The following ZNF468 variants were observed in gnomAD, a reference collection of about 807,000 sequenced individuals.
ZNF468 encodes zinc finger protein 468, also known as zinc finger protein ZNF468.
ZNF468 carries 8 observed loss-of-function variants against 7.2 expected under a neutral mutation model. That is an observed-to-expected ratio of 1.11 (90% confidence interval 0.65 to 2.01). ZNF468 has a LOEUF of 2.01. Ranked by LOEUF, ZNF468 falls within the 30% of genes most tolerant of loss-of-function variation. The pLI is 0.00. For synonymous variants in ZNF468, 218 were observed against 214.4 expected (o/e 1.02, Z -0.15); for missense variants, 608 against 626.5 (o/e 0.97, Z 0.31).
intron 1 of ZNF468, 75 bp from the exon 2 acceptor site, chr19:52,854,420 G>T (rs2147746205): frequency 4.2e-6 from 6 of 1,419,458 alleles, no homozygotes; most frequent in Non-Finnish European, 5.8e-6. Context: ...CACAAACATA[G>T]GAGACCTCAC....
chr19:52,846,779 A>G (rs1168835287), intron 3 of ZNF468, among the ~76,000 whole-genome samples: 1 of 152,120 alleles, frequency 6.6e-6, no homozygotes, highest in Non-Finnish European at 1.5e-5. Context: ...AGGCAGGTGG[A>G]TCACTTGAGA....
At chr19:52,850,465 C>T (rs536042691) in intron 2 of ZNF468, among the ~76,000 whole-genome samples, 49 of 152,132 alleles carry the variant, frequency 3.2e-4, no homozygotes, top group East Asian at 3.9e-4. Context: ...TAGCCATGTT[C>T]ACTAACATGA....
In ZNF468 at chr19:52,838,540, AAAG is replaced by A. The variant is rs1421016763; in HGVS notation, c.*2182_*2184del. The A allele has an allele frequency of 1.5e-4, 23 of 152,186 alleles. No individual in the cohort carries two copies. The allele number at this position is 152,186 out of a possible 1,614,324, so 9.4% of individuals were successfully genotyped here. On this transcript the variant is annotated 3_prime_UTR_variant, in exon 4 of 4. Transcript: ENST00000595646. ...AATCAAACTCATCCAAATCAGAAAG[AAAG>A]AAGTCAAATTTTATTTGTTTGTAGA... is the stretch of plus-strand genomic sequence containing the variant.
chr19:52,853,917 T>C (rs1270703057), intron 2 of ZNF468: 9 of 1,358,632 alleles, frequency 6.6e-6, no homozygotes, highest in Middle Eastern at 2.8e-4. Context: ...TGGCAGCTGC[T>C]CCAATCCTGG....
At chr19:52,850,976 A>C (rs1600529414) in intron 2 of ZNF468, among the ~76,000 whole-genome samples, 1 of 151,974 alleles carries the variant, frequency 6.6e-6, no homozygotes, top group East Asian at 1.9e-4. Context: ...ATATATATTT[A>C]ATAATAATTG....
intron 1 of ZNF468, among the ~76,000 whole-genome samples, chr19:52,854,582 C>G (rs2063420279): frequency 6.6e-6 from 1 of 152,072 alleles, no homozygotes; most frequent in South Asian, 2.1e-4. Flanking sequence ...AAATCTCTAC[C>G]AAAAATACAA....
chr19:52,844,828 C>T lies in ZNF468; in HGVS notation c.143-2677G>A, dbSNP rs141066468. ...TGCTGGGATTAGAGGGGTGAGCCACCGCGGCCAGCCAGTCTAAGCTATTTC... is the reference window on the plus strand; with the variant it reads ...TGCTGGGATTAGAGGGGTGAGCCACTGCGGCCAGCCAGTCTAAGCTATTTC... On this transcript the variant is annotated intron_variant, in intron 3 of 3. Transcript: ENST00000595646. Among the ~76,000 whole-genome samples, 164 of 152,122 alleles carry T rather than the reference C, an allele frequency of 1.1e-3. 3 individuals carry two copies. Among genetic ancestry groups the T allele is most frequent in the East Asian group, 6.0e-3 (31 of 5,158 alleles).
intron 3 of ZNF468, among the ~76,000 whole-genome samples, chr19:52,843,605 T>G (rs2063322276): frequency 6.6e-6 from 1 of 152,054 alleles, no homozygotes; most frequent in Non-Finnish European, 1.5e-5. Context: ...CATATATAAA[T>G]TCATAAAAAT....
In ZNF468 at chr19:52,841,056, C is replaced by T. The variant is rs529075182; in HGVS notation, c.1238G>A (p.Cys413Tyr). ...ACTGAAAACTTTGCAACATTCTTCA[C>T]ATTTGTAAGGTTTCTCTCCACTATG... Reference protein sequence around the residue: ...RIHSGEKPYKCEECCKVFSRK... With the variant: ...RIHSGEKPYKYEECCKVFSRK... Residue 413 changes from cysteine to tyrosine, a missense_variant, in exon 4 of 4, where the codon TGT (cysteine) becomes TAT (tyrosine). Transcript: ENST00000595646. The T allele has an allele frequency of 1.1e-5, 18 of 1,612,948 alleles. No individual in the cohort carries two copies. The highest frequency in any genetic ancestry group is 1.7e-5 in the Admixed American group (1 of 59,812).
rs143090601 is a variant in ZNF468, at chr19:52,841,181, T to C, written c.1113A>G (p.Ala371=). 675 of 1,612,656 alleles carry C rather than the reference T, an allele frequency of 4.2e-4. 4 individuals carry two copies. In the African/African-American group the frequency reaches 8.3e-3, roughly 20 times the overall value. Residue 371 remains alanine, a synonymous_variant, in exon 4 of 4, where the codon GCA becomes GCG. Transcript: ENST00000595646. ...CTCCAGTATGAAGTCTATGATGGCG[T>C]GCAAGGGTTGATAGTCGATTAAAAA... The part of the protein sequence containing the change: ...GKVFNRLSTL[A]RHHRLHTGEK...
At chr19:52,846,983 AGAGT>A (rs2063345977) in intron 3 of ZNF468, among the ~76,000 whole-genome samples, 1 of 151,504 alleles carries the variant, frequency 6.6e-6, no homozygotes, top group African/African-American at 2.4e-5. Flanking sequence ...CCTGGGTGAC[AGAGT>A]GAGACTCTGT....
chr19:52,841,638 T>C lies in ZNF468; in HGVS notation c.656A>G (p.Gln219Arg), dbSNP rs1464038746. 6.2e-7 allele frequency: 1 copy of C among 1,613,992 alleles called. No homozygotes were observed. The highest frequency in any genetic ancestry group is 8.5e-7 in the Non-Finnish European group (1 of 1,180,028). The change falls in exon 4 of 4, where the codon CAG becomes CGG. Residue 219 changes from glutamine (Q) to arginine (R), a missense_variant. Transcript: ENST00000595646. ...GCTGCAATTAAAGGATTTGAAGCTC[T>C]GTATACATTCAAAAGATTTTTCTCT... Reference protein sequence around the residue: ...HMREKSFECIQSFKSFNCSSL... With the variant: ...HMREKSFECIRSFKSFNCSSL...
chr19:52,854,138 C>G (rs1465464981), intron 2 of ZNF468, 120 bp downstream of exon 2: 7 of 1,594,482 alleles, frequency 4.4e-6, no homozygotes, highest in East Asian at 2.2e-5. Flanking sequence ...TGAAGGAAGG[C>G]ATAAGTGAGG....
chr19:52,855,935 G>A (rs535067703), intron 1 of ZNF468, among the ~76,000 whole-genome samples: 10 of 152,400 alleles, frequency 6.6e-5, no homozygotes, highest in Non-Finnish European at 1.3e-4. Flanking sequence ...TCTGAGATGA[G>A]TGAGAAGGTG....
intron 1 of ZNF468, among the ~76,000 whole-genome samples, chr19:52,855,242 C>T (rs11670497): frequency 0.052 from 6,658 of 127,442 alleles, 200 homozygotes; most frequent in Non-Finnish European, 0.084. Context: ...TTGAGTAATG[C>T]CATAGACACT....
rs2063297622 is a variant in ZNF468 at position 52,841,354 on chromosome 19, G to C, written c.940C>G (p.Leu314Val). The C allele has an allele frequency of 6.2e-7, 1 of 1,613,974 alleles. No homozygotes were observed. Among genetic ancestry groups the C allele is most frequent in the Non-Finnish European group, 8.5e-7 (1 of 1,179,954 alleles). Residue 314 changes from leucine (L) to valine (V), a missense_variant, in exon 4 of 4, where the codon CTT (leucine) becomes GTT (valine). Coordinates refer to ENST00000595646, the MANE Select transcript of ZNF468 (RefSeq NM_001008801.2). The part of the protein sequence containing the change: ...CDKVFSRKSH[L>V]ERHKRIHTGE... ...GTATGAATCCTCTTATGTCTTTCAA[G>C]GTGTGATTTGCGACTGAAAACTTTG...
At chr19:52,843,756 C>G (rs2063323227) in intron 3 of ZNF468, among the ~76,000 whole-genome samples, 1 of 152,126 alleles carries the variant, frequency 6.6e-6, no homozygotes, top group Non-Finnish European at 1.5e-5. Context: ...AGTGTAAGAA[C>G]TGAAATAGAT....
intron 3 of ZNF468, chr19:52,845,364 A>G (rs191487577): frequency 6.6e-6 from 1 of 151,210 alleles, no homozygotes; most frequent in East Asian, 2.0e-4. Context: ...AAGCCTATAT[A>G]AAGTTCTCCA....
intron 1 of ZNF468, among the ~76,000 whole-genome samples, chr19:52,856,562 G>A (rs980740217): frequency 7.0e-6 from 1 of 143,702 alleles, no homozygotes; most frequent in African/African-American, 2.5e-5. Context: ...ATCCCCAGGT[G>A]TCCTCCCCGC....
Sources: allele counts gnomAD v4.1 joint callset (sites outside exome capture counted in the v4.1 genomes callset), GRCh38; gene constraint gnomAD v4.1.1; transcripts MANE v1.5; gene names NCBI Gene and HGNC (gene_info 2026-07-23, HGNC 2026-07-21).